Variants in UBE3C observed in about 807,000 individuals in gnomAD.
UBE3C encodes the protein ubiquitin-protein ligase E3C.
Under a neutral mutation model 129.4 loss-of-function variants are expected in UBE3C, and 42 were observed. The ratio of observed to expected loss-of-function variants is 0.32; its 90% CI spans 0.25 to 0.42. UBE3C has a LOEUF of 0.42. Ranked by LOEUF, UBE3C falls within the 10% of genes least tolerant of loss-of-function variation. The pLI is 1.00. For synonymous variants in UBE3C, 510 were observed against 492.4 expected, an observed-to-expected ratio of 1.04 and a Z score of -0.47; for missense variants, 1,049 against 1,319.1, an observed-to-expected ratio of 0.80 and a Z score of 3.17.
chr7:157,236,454 CTT>C (rs969005744), intron 18 of UBE3C, among the ~76,000 whole-genome samples: 7 of 152,062 alleles, frequency 4.6e-5, no homozygotes, highest in South Asian at 2.1e-4. Flanking sequence ...GATTGTATAA[CTT>C]TGGCGTGGTT....
intron 18 of UBE3C, among the ~76,000 whole-genome samples, chr7:157,247,057 A>T (rs1796495871): frequency 6.6e-6 from 1 of 151,442 alleles, no homozygotes; most frequent in African/African-American, 2.4e-5. Flanking sequence ...CACGTAGCTA[A>T]TTTTTTTTTA....
Position 157,225,514 on chromosome 7 carries a change from T to G in UBE3C, c.2208T>G (p.Ala736=), listed in dbSNP as rs753086789. 1 of 1,593,460 alleles carries G rather than the reference T, an allele frequency of 6.3e-7. No individual in the cohort carries two copies. The highest frequency in any genetic ancestry group is 2.3e-5 in the East Asian group (1 of 44,360). ...TIRRNYIYED[A]YDKLSPENEP... ...GAAGAAATTACATTTATGAAGATGC[T>G]TATGACAAACTTTCTCCAGAAAATG... The change falls in exon 17 of 23, where the codon GCT becomes GCG. Residue 736 remains alanine (A), a synonymous_variant. Transcript: ENST00000348165.
chr7:157,157,810 A>T (rs1289207908), intron 1 of UBE3C, among the ~76,000 whole-genome samples: 2 of 152,078 alleles, frequency 1.3e-5, no homozygotes, highest in Non-Finnish European at 2.9e-5. Flanking sequence ...CCTGGTCTCT[A>T]CTTTGAAAAA....
chr7:157,238,920 A>G (rs1296644154), intron 18 of UBE3C, among the ~76,000 whole-genome samples: 2 of 152,266 alleles, frequency 1.3e-5, no homozygotes, highest in Admixed American at 1.3e-4. Flanking sequence ...AAGGAAGAGA[A>G]AGGTGGGTAT....
At chr7:157,242,577 T>C (rs1796367738) in intron 18 of UBE3C, among the ~76,000 whole-genome samples, 1 of 147,452 alleles carries the variant, frequency 6.8e-6, no homozygotes, top group Non-Finnish European at 1.5e-5. Context: ...TGTAAAACTG[T>C]CCTCAGATGC....
intron 6 of UBE3C, among the ~76,000 whole-genome samples, chr7:157,179,604 T>C (rs3802122): frequency 6.6e-6 from 1 of 151,938 alleles, no homozygotes; most frequent in Non-Finnish European, 1.5e-5. Flanking sequence ...ACTTCAGGAC[T>C]CCTGGGCTCG....
intron 10 of UBE3C, among the ~76,000 whole-genome samples, chr7:157,188,538 G>A (rs141895179): frequency 1.4e-4 from 21 of 152,286 alleles, no homozygotes; most frequent in African/African-American, 4.8e-4. Flanking sequence ...TTTTATTGTC[G>A]CACAACCCAT....
intron 19 of UBE3C, among the ~76,000 whole-genome samples, chr7:157,249,233 T>A (rs1337976456): frequency 6.6e-6 from 1 of 152,068 alleles, no homozygotes; most frequent in African/African-American, 2.4e-5. Flanking sequence ...GTGCACCCAT[T>A]AGCAGGCTCC....
intron 4 of UBE3C, 69 bp from the exon 5 acceptor site, chr7:157,174,850 G>GT: frequency 8.4e-7 from 1 of 1,195,250 alleles, no homozygotes; most frequent in Non-Finnish European, 1.2e-6. Flanking sequence ...GAAATTTGGG[G>GT]TATTATGTAA....
intron 4 of UBE3C, among the ~76,000 whole-genome samples, chr7:157,171,233 G>A (rs936597329): frequency 3.9e-5 from 6 of 152,006 alleles, no homozygotes; most frequent in African/African-American, 1.5e-4. Context: ...TCAAGCAATC[G>A]GTGGTGTCTC....
At chr7:157,179,108 A>G (rs1808601590) in intron 6 of UBE3C, among the ~76,000 whole-genome samples, 1 of 138,000 alleles carries the variant, frequency 7.2e-6, no homozygotes, top group South Asian at 2.2e-4. Context: ...CAAAATTGAC[A>G]TATGCTTTCA....
At chr7:157,181,101 T>G (rs1327479835) in intron 6 of UBE3C, among the ~76,000 whole-genome samples, 1 of 152,222 alleles carries the variant, frequency 6.6e-6, no homozygotes, top group Non-Finnish European at 1.5e-5. Context: ...CTTATTGAGC[T>G]CCTTCCTGAT....
At chr7:157,163,402 A>G (rs1183187958) in intron 1 of UBE3C, among the ~76,000 whole-genome samples, 2 of 149,892 alleles carry the variant, frequency 1.3e-5, no homozygotes, top group African/African-American at 4.9e-5. Context: ...AAAAAAAAAA[A>G]AAAGGAAAGA....
intron 4 of UBE3C, among the ~76,000 whole-genome samples, chr7:157,171,157 C>T (rs1015894971): frequency 1.3e-5 from 2 of 152,072 alleles, no homozygotes; most frequent in Non-Finnish European, 2.9e-5. Context: ...TAGAGCCTTG[C>T]TCTTGTCACC....
chr7:157,181,815 T>A, intron 7 of UBE3C, 144 bp downstream of exon 7: 1 of 1,149,672 alleles, frequency 8.7e-7, no homozygotes. Flanking sequence ...TAGGAAAGTG[T>A]ACTTTTTCTT....
At position 157,254,103 on chromosome 7, in the gene UBE3C, CCT is replaced by C; in HGVS notation, c.2846_2847del (p.Leu949ArgfsTer7). ...FRQGLANVVSLEWLRMFDQQE... is the reference protein window; with the variant it reads ...FRQGLANVVSXEWLRMFDQQE... ...GCCAGGGCCTTGCCAATGTCGTCAG[CCT>C]CGAGTGGCTCCGAATGTTTGATCAG... is the stretch of plus-strand genomic sequence containing the variant. On this transcript the variant is annotated frameshift_variant, in exon 20 of 23. Transcript: ENST00000348165. LOFTEE classifies it high-confidence loss of function. 1 of 1,612,532 alleles carries C rather than the reference CCT, an allele frequency of 6.2e-7. No individual in the cohort carries two copies. Among genetic ancestry groups the C allele is most frequent in the Non-Finnish European group, 8.5e-7 (1 of 1,179,382 alleles).
At chr7:157,206,743 TCACCA>T (rs967135579) in intron 11 of UBE3C, among the ~76,000 whole-genome samples, 4 of 151,746 alleles carry the variant, frequency 2.6e-5, no homozygotes, top group African/African-American at 9.7e-5. Context: ...CAGGCACCTA[TCACCA>T]CACCTGGCTA....
chr7:157,180,556 G>C (rs1033609345), intron 6 of UBE3C, among the ~76,000 whole-genome samples: 1 of 151,024 alleles, frequency 6.6e-6, no homozygotes, highest in African/African-American at 2.4e-5. Context: ...AGCCCATGCA[G>C]ATGGATTGTT....
rs113872236 is a variant in UBE3C, at chr7:157,156,091, TA to T, written c.67-7718del. ...ATCAAACTGCTTTCTCCTGGTACCT[TA>T]TTTGCCCCTTTCCTCCCAGCCACTC... On this transcript the variant is annotated intron_variant, in intron 1 of 22. Transcript: ENST00000348165. Among the ~76,000 whole-genome samples, 767 of 152,300 alleles carry T rather than the reference TA, an allele frequency of 5.0e-3. 6 individuals are homozygous for T. The highest frequency in any genetic ancestry group is 8.7e-3 in the African/African-American group (360 of 41,544).
Sources: allele counts gnomAD v4.1 joint callset (sites outside exome capture counted in the v4.1 genomes callset), GRCh38; gene constraint gnomAD v4.1.1; transcripts MANE v1.5; gene names NCBI Gene and HGNC (gene_info 2026-07-23, HGNC 2026-07-21).